RAB8A: variants seen among roughly 807,000 people sequenced by gnomAD.
The protein encoded by RAB8A is ras-related protein Rab-8A.
In RAB8A, 5 loss-of-function variants were observed where a neutral mutation model predicts 29.2. The observed-to-expected ratio is 0.17, with a 90% CI of 0.09 to 0.36. The LOEUF is 0.36. Among genes scored for constraint, RAB8A ranks in the 10% least tolerant of loss-of-function variants. The pLI is 1.00. For synonymous variants in RAB8A, 108 were observed against 99.9 expected (o/e 1.08, Z -0.49); for missense variants, 171 against 272.2 (o/e 0.63, Z 2.62).
chr19:16,123,334 G>T (rs569714073), intron 3 of RAB8A, among the ~76,000 whole-genome samples: 1 of 152,326 alleles, frequency 6.6e-6, no homozygotes, highest in Non-Finnish European at 1.5e-5. Context: ...CCAGCCAGGC[G>T]CAGTGGCTGA....
intron 2 of RAB8A, 77 bp from the exon 3 acceptor site, chr19:16,121,673 G>A (rs2090875879): frequency 7.4e-7 from 1 of 1,359,890 alleles, no homozygotes. Flanking sequence ...AGGCATCCCG[G>A]GTAGATGCTC....
intron 6 of RAB8A, among the ~76,000 whole-genome samples, chr19:16,128,961 CCCT>C (rs2090913776): frequency 6.6e-6 from 1 of 152,208 alleles, no homozygotes; most frequent in African/African-American, 2.4e-5. Context: ...TCTGTATGTC[CCCT>C]CCTCAAGGCT....
In RAB8A at chr19:16,132,221, A is replaced by G; in HGVS notation, c.541A>G (p.Ser181Gly). 1.9e-6 allele frequency: 3 copies of G among 1,613,666 alleles called. No homozygotes were observed. Among genetic ancestry groups the G allele is most frequent in the Non-Finnish European group, 2.5e-6 (3 of 1,179,574 alleles). The change falls in exon 8 of 8, where the codon AGC becomes GGC. Residue 181 changes from serine (S) to glycine (G), a missense_variant. Physicochemically the swap from Ser to Gly is moderately conservative, Grantham distance 56 (BLOSUM62 0). Around this residue, in one of 3 missense-constraint regions of RAB8A, gnomAD observed 145 missense variants for 212.8 expected, o/e 0.68. Transcript: ENST00000300935. The surrounding 1 kb of genome is among the most constrained non-coding windows in gnomAD (Gnocchi z 5.6). ...AKMDKKLEGN[S>G]PQGSNQGVKI... ...CCTCTTGTGATTTCAGGAAGGCAAC[A>G]GCCCCCAGGGGAGCAACCAGGGAGT... is the stretch of plus-strand genomic sequence containing the variant.
chr19:16,116,523 C>G (rs1207715081), intron 1 of RAB8A, among the ~76,000 whole-genome samples: 1 of 152,112 alleles, frequency 6.6e-6, no homozygotes, highest in Non-Finnish European at 1.5e-5. Flanking sequence ...TTTTATTATG[C>G]CAAAAAGACA....
intron 2 of RAB8A, among the ~76,000 whole-genome samples, chr19:16,119,010 G>C (rs750077063): frequency 6.6e-6 from 1 of 152,208 alleles, no homozygotes; most frequent in Non-Finnish European, 1.5e-5. Context: ...ACAAAGAGAA[G>C]TCACATTTAA....
rs2090928646 is a variant in RAB8A at position 16,132,279 on chromosome 19, G to A, written c.599G>A (p.Ser200Asn). ...ACACCGGACCAGCAGAAGAGGAGCA[G>A]CTTTTTCCGATGTGTTCTTCTGTGA... Reference protein sequence around the residue: ...KITPDQQKRSSFFRCVLL With the variant: ...KITPDQQKRSNFFRCVLL The change falls in exon 8 of 8, where the codon AGC (serine) becomes AAC (asparagine). Residue 200 changes from serine to asparagine, a missense_variant. By Grantham distance (46) the Ser-to-Asn change is conservative (BLOSUM62 1). Around this residue, in one of 3 missense-constraint regions of RAB8A, gnomAD observed 145 missense variants for 212.8 expected, o/e 0.68. Coordinates refer to ENST00000300935, the MANE Select transcript of RAB8A (RefSeq NM_005370.5). This position sits in a 1 kb window ranked among gnomAD's most constrained non-coding sequence, Gnocchi z 5.6. 2 of 1,614,076 alleles carry A rather than the reference G, an allele frequency of 1.2e-6. No individual in the cohort carries two copies. The highest frequency in any genetic ancestry group is 2.2e-5 in the East Asian group (1 of 44,860).
chr19:16,117,218 G>T (rs893580878), intron 1 of RAB8A, among the ~76,000 whole-genome samples: 1 of 152,062 alleles, frequency 6.6e-6, no homozygotes, highest in Non-Finnish European at 1.5e-5. Context: ...GCCGGGTGCG[G>T]TGGCTGATGC....
intron 1 of RAB8A, among the ~76,000 whole-genome samples, chr19:16,114,062 G>T (rs2090835207): frequency 6.6e-6 from 1 of 152,026 alleles, no homozygotes; most frequent in South Asian, 2.1e-4. Context: ...TCAAGAAGTG[G>T]CGTTAATTCA....
Position 16,125,638 on chromosome 19 carries a change from C to A in RAB8A, c.324+91C>A. ...TCATGAGAAGGCCAAGGTGCAGAGA[C>A]ACATACAGGCCACTTGCCCACAGCC... On this transcript the variant is annotated intron_variant, in intron 4 of 7. Coordinates refer to ENST00000300935, the MANE Select transcript of RAB8A (RefSeq NM_005370.5). The surrounding 1 kb of genome is among the most constrained non-coding windows in gnomAD (Gnocchi z 5.0). 1 of 1,219,804 alleles carries A rather than the reference C, an allele frequency of 8.2e-7. No homozygotes were observed. The highest frequency in any genetic ancestry group is 1.2e-6 in the Non-Finnish European group (1 of 841,972). 75.6% of individuals were successfully genotyped at this position (1,219,804 alleles called of 1,614,324 possible).
intron 3 of RAB8A, chr19:16,123,618 A>C (rs2090884591): frequency 6.6e-6 from 1 of 152,226 alleles, no homozygotes. Flanking sequence ...TAACTACTTA[A>C]TTAATTAATT....
chr19:16,117,544 G>A (rs1568319089), intron 1 of RAB8A, among the ~76,000 whole-genome samples: 1 of 152,066 alleles, frequency 6.6e-6, no homozygotes, highest in Non-Finnish European at 1.5e-5. Flanking sequence ...AACATGGTTA[G>A]GGTTATATTT....
intron 1 of RAB8A, among the ~76,000 whole-genome samples, chr19:16,116,250 G>A (rs984444996): frequency 6.6e-6 from 1 of 152,146 alleles, no homozygotes; most frequent in Non-Finnish European, 1.5e-5. Flanking sequence ...ATCGCTGTGT[G>A]GATGGTGTGG....
intron 2 of RAB8A, among the ~76,000 whole-genome samples, chr19:16,119,970 C>T (rs772481751): frequency 1.3e-5 from 2 of 151,908 alleles, no homozygotes; most frequent in Non-Finnish European, 2.9e-5. Flanking sequence ...CCTGCCACCA[C>T]GCTCGGCTAA....
chr19:16,113,722 T>A (rs771653266), intron 1 of RAB8A, among the ~76,000 whole-genome samples: 1 of 152,174 alleles, frequency 6.6e-6, no homozygotes, highest in Non-Finnish European at 1.5e-5. Context: ...ATAAAACAGT[T>A]ATATGCCAGA....
rs2090908550 is a variant in RAB8A at position 16,127,876 on chromosome 19, T to C, written c.415-150T>C. The C allele has an allele frequency of 1.3e-6, 1 of 769,710 alleles. No individual in the cohort carries two copies. Among genetic ancestry groups the C allele is most frequent in the African/African-American group, 1.7e-5 (1 of 58,518 alleles). 47.7% of individuals were successfully genotyped at this position (769,710 alleles called of 1,614,324 possible). ...CTGTGGAGGGGCATTCACTATAGAA[T>C]TGAGGGAGTGATCCAGGAAGTCACG... On this transcript the variant is annotated intron_variant, in intron 5 of 7. Coordinates refer to ENST00000300935, the MANE Select transcript of RAB8A (RefSeq NM_005370.5). This position sits in a 1 kb window ranked among gnomAD's most constrained non-coding sequence, Gnocchi z 4.8.
Position 16,111,928 on chromosome 19 carries a change from C to A in RAB8A, c.27C>A (p.Phe9Leu). ...TGGCGAAGACCTACGATTACCTGTT[C>A]AAGCTGCTGCTGATCGGGGACTCGG... MAKTYDYL[F>L]KLLLIGDSGV... Residue 9 changes from phenylalanine to leucine, a missense_variant, in exon 1 of 8, where the codon TTC (phenylalanine) becomes TTA (leucine). Phe to Leu is a conservative substitution (Grantham distance 22, BLOSUM62 0). Transcript: ENST00000300935. The A allele has an allele frequency of 6.2e-7, 1 of 1,614,016 alleles. No homozygotes were observed. The highest frequency in any genetic ancestry group is 8.5e-7 in the Non-Finnish European group (1 of 1,179,892).
intron 1 of RAB8A, among the ~76,000 whole-genome samples, chr19:16,116,386 C>T (rs1250323477): frequency 6.6e-6 from 1 of 152,042 alleles, no homozygotes; most frequent in African/African-American, 2.4e-5. Flanking sequence ...CTGAAAGAGG[C>T]TTTAAAAAAA....
intron 7 of RAB8A, among the ~76,000 whole-genome samples, chr19:16,131,733 G>A (rs936081532): frequency 6.6e-6 from 1 of 150,722 alleles, no homozygotes. Flanking sequence ...TGAGTGGATG[G>A]TTCTTGGTTG....
At chr19:16,123,907 G>A (rs1370383867) in intron 3 of RAB8A, 1 of 152,116 alleles carries the variant, frequency 6.6e-6, no homozygotes, top group African/African-American at 2.4e-5. Context: ...ACCTGGAATA[G>A]GATGGCTGGC....
Sources: gnomAD v4.1 joint callset for allele counts (sites outside exome capture counted in the v4.1 genomes callset) on GRCh38, gnomAD v4.1.1 for gene constraint, gnomAD v4.1.1 regional missense constraint, Gnocchi (gnomAD v3.1) non-coding constraint, MANE v1.5 for transcripts, NCBI Gene and HGNC (gene_info 2026-07-23, HGNC 2026-07-21) for gene names.